The following EVA1A variants were observed in gnomAD, a reference collection of about 807,000 sequenced individuals.
EVA1A encodes the protein protein eva-1 homolog A.
Under a neutral mutation model 9.8 loss-of-function variants are expected in EVA1A, and 7 were observed. The ratio of observed to expected loss-of-function variants is 0.71; its 90% CI spans 0.41 to 1.34. EVA1A has a LOEUF of 1.34. Among genes scored for constraint, EVA1A ranks in the 40% most tolerant of loss-of-function variants. The pLI is 0.01. For synonymous variants in EVA1A, 90 were observed against 85.6 expected, an observed-to-expected ratio of 1.05 and a Z score of -0.28; for missense variants, 206 against 205.9, an observed-to-expected ratio of 1.00 and a Z score of 0.00.
chr2:75,519,295 T>C (rs1174310491), intron 2 of EVA1A, among the ~76,000 whole-genome samples: 2 of 152,082 alleles, frequency 1.3e-5, no homozygotes, highest in Non-Finnish European at 2.9e-5. Flanking sequence ...TAGAAGGGTG[T>C]CAAGGCTTGG....
In EVA1A at chr2:75,493,232, C is replaced by T; in HGVS notation, c.*4G>A. ...TCCAGTGGTTTCCGGGGTCCTGCTGCTCCCTAATAGTAGCGATTCAGGCTC... is the reference window on the plus strand; with the variant it reads ...TCCAGTGGTTTCCGGGGTCCTGCTGTTCCCTAATAGTAGCGATTCAGGCTC... On this transcript the variant is annotated 3_prime_UTR_variant, in exon 4 of 4. Transcript: ENST00000393913. 6.2e-7 allele frequency: 1 copy of T among 1,604,472 alleles called. No individual in the cohort carries two copies. The highest frequency in any genetic ancestry group is 2.2e-5 in the East Asian group (1 of 44,766).
intron 1 of EVA1A, among the ~76,000 whole-genome samples, chr2:75,554,209 A>G (rs1676622379): frequency 6.6e-6 from 1 of 152,190 alleles, no homozygotes; most frequent in African/African-American, 2.4e-5. Context: ...GGGCAAGGCA[A>G]AAGGGGAGAG....
chr2:75,508,267 C>G (rs539065664), intron 3 of EVA1A, among the ~76,000 whole-genome samples: 2 of 152,336 alleles, frequency 1.3e-5, no homozygotes, highest in South Asian at 2.1e-4. Flanking sequence ...ACCTGAAACT[C>G]TGACTGCCGG....
At chr2:75,499,891 T>C (rs1468748981) in intron 3 of EVA1A, among the ~76,000 whole-genome samples, 2 of 152,208 alleles carry the variant, frequency 1.3e-5, no homozygotes, top group Non-Finnish European at 2.9e-5. Flanking sequence ...TGGGAACATG[T>C]GCCTAAGAGG....
intron 1 of EVA1A, among the ~76,000 whole-genome samples, chr2:75,568,988 A>G (rs999604371): frequency 6.6e-6 from 1 of 152,190 alleles, no homozygotes; most frequent in Non-Finnish European, 1.5e-5. Flanking sequence ...CTTTGGGTAG[A>G]TAACCAGTAG....
chr2:75,526,634 G>C (rs1420540111), intron 1 of EVA1A, among the ~76,000 whole-genome samples: 1 of 152,194 alleles, frequency 6.6e-6, no homozygotes, highest in Non-Finnish European at 1.5e-5. Flanking sequence ...CTTTGCTAGA[G>C]TAAAGAAAAG....
intron 1 of EVA1A, among the ~76,000 whole-genome samples, chr2:75,554,505 T>C (rs181823364): frequency 4.2e-4 from 64 of 152,322 alleles, no homozygotes; most frequent in Middle Eastern, 3.4e-3. Context: ...GCCCACTCTT[T>C]CACCTTCTTT....
At chr2:75,502,700 T>C (rs1572947253) in intron 3 of EVA1A, among the ~76,000 whole-genome samples, 1 of 152,320 alleles carries the variant, frequency 6.6e-6, no homozygotes, top group East Asian at 1.9e-4. Context: ...TATCATTCAC[T>C]GAATGCTTCT....
intron 3 of EVA1A, among the ~76,000 whole-genome samples, chr2:75,501,783 C>T (rs1405893640): frequency 6.6e-6 from 1 of 152,200 alleles, no homozygotes; most frequent in African/African-American, 2.4e-5. Context: ...AAGTGGGAAT[C>T]AGCAGGCGAG....
chr2:75,549,434 T>C (rs921191116), intron 1 of EVA1A, among the ~76,000 whole-genome samples: 10 of 152,082 alleles, frequency 6.6e-5, no homozygotes, highest in Non-Finnish European at 1.5e-4. Context: ...TTCCCTCTGA[T>C]GGAAGAAAGA....
intron 1 of EVA1A, among the ~76,000 whole-genome samples, chr2:75,538,263 C>A (rs977857151): frequency 6.6e-6 from 1 of 152,100 alleles, no homozygotes; most frequent in Non-Finnish European, 1.5e-5. Context: ...CCACTGCACT[C>A]CAGCCTGGGT....
chr2:75,550,723 A>G (rs1224559530), intron 1 of EVA1A, among the ~76,000 whole-genome samples: 1 of 152,254 alleles, frequency 6.6e-6, no homozygotes, highest in African/African-American at 2.4e-5. Flanking sequence ...TCAACATGGA[A>G]GCCATCCAGA....
chr2:75,540,837 C>T (rs970115395), intron 1 of EVA1A: 2 of 152,192 alleles, frequency 1.3e-5, no homozygotes, highest in African/African-American at 4.8e-5. Context: ...GACACCAACA[C>T]CAGCAGTCCA....
chr2:75,497,577 T>C (rs965870594), intron 3 of EVA1A, among the ~76,000 whole-genome samples: 2 of 151,988 alleles, frequency 1.3e-5, no homozygotes, highest in Middle Eastern at 3.2e-3. Flanking sequence ...AGGCTGGGCA[T>C]GGTAGCTCAC....
At chr2:75,493,982 TTTAC>T (rs1674118626) in intron 3 of EVA1A, among the ~76,000 whole-genome samples, 1 of 152,174 alleles carries the variant, frequency 6.6e-6, no homozygotes, top group South Asian at 2.1e-4. Context: ...CCAAAACAGC[TTTAC>T]TTGAGAATTT....
At chr2:75,498,467 C>T (rs1674291181) in intron 3 of EVA1A, among the ~76,000 whole-genome samples, 1 of 151,736 alleles carries the variant, frequency 6.6e-6, no homozygotes, top group African/African-American at 2.4e-5. Context: ...GCACGGGTAC[C>T]CCCAAAACTA....
intron 3 of EVA1A, among the ~76,000 whole-genome samples, chr2:75,502,672 T>C (rs921697314): frequency 7.9e-5 from 12 of 152,128 alleles, no homozygotes; most frequent in African/African-American, 1.9e-4. Context: ...CATACATACA[T>C]AGAGTGAGTG....
chr2:75,550,836 C>T (rs115168208), intron 1 of EVA1A, among the ~76,000 whole-genome samples: 58 of 152,312 alleles, frequency 3.8e-4, no homozygotes, highest in African/African-American at 1.3e-3. Flanking sequence ...ATAATATGTG[C>T]TGGTCGGGCA....
At position 75,539,121 on chromosome 2, in the gene EVA1A, A is replaced by G. The variant is rs985152333; in HGVS notation, c.-191-16634T>C. Among the ~76,000 whole-genome samples, 12 of 152,262 alleles carry G rather than the reference A, an allele frequency of 7.9e-5. No individual in the cohort carries two copies. In the East Asian group the frequency reaches 2.1e-3, roughly 27 times the overall value. ...ATAATCTTTAGAGTCTTCCTGAACC[A>G]TAATCTGCACATTAAATCTTGAGAA... On this transcript the variant is annotated intron_variant, in intron 1 of 3. Transcript: ENST00000393913.
Sources: gnomAD v4.1 joint callset for allele counts (sites outside exome capture counted in the v4.1 genomes callset) on GRCh38, gnomAD v4.1.1 for gene constraint, MANE v1.5 for transcripts, NCBI Gene and HGNC (gene_info 2026-07-23, HGNC 2026-07-21) for gene names.